MLC1: variants seen among roughly 807,000 people sequenced by gnomAD.
MLC1 encodes modulator of VRAC current 1, also known as membrane protein MLC1.
MLC1 carries 32 observed loss-of-function variants against 44.7 expected under a neutral mutation model. The observed-to-expected ratio is 0.72, with a 90% CI of 0.54 to 0.96. MLC1 has a LOEUF of 0.96. MLC1 is among the 40% of genes least tolerant of loss of function. MLC1 has a pLI of 0.00. For synonymous variants in MLC1, 190 were observed against 213.0 expected (o/e 0.89, Z 0.94); for missense variants, 459 against 492.2 (o/e 0.93, Z 0.64).
intron 3 of MLC1, among the ~76,000 whole-genome samples, chr22:50,082,487 G>A (rs914900896): frequency 6.6e-6 from 1 of 152,378 alleles, no homozygotes; most frequent in Non-Finnish European, 1.5e-5. Context: ...ACAGGTCCCA[G>A]TCCCCTGAGG....
At chr22:50,084,681 C>CA (rs1449906161) in intron 2 of MLC1, 45 bp downstream of exon 2, 2 of 1,603,842 alleles carry the variant, frequency 1.2e-6, no homozygotes, top group African/African-American at 2.7e-5. Flanking sequence ...ACCAGAGGGA[C>CA]CAGATGCTCG....
chr22:50,072,252 G>A (rs1414012861), intron 8 of MLC1, among the ~76,000 whole-genome samples: 1 of 152,218 alleles, frequency 6.6e-6, no homozygotes, highest in East Asian at 1.9e-4. Context: ...CAGCCATAGG[G>A]GCTGGGGCAG....
At chr22:50,065,892 T>A (rs752729833) in intron 10 of MLC1, among the ~76,000 whole-genome samples, 5 of 152,232 alleles carry the variant, frequency 3.3e-5, no homozygotes, top group Non-Finnish European at 7.3e-5. Context: ...GGAGGAGTTA[T>A]TTATAGTAGC....
At chr22:50,081,344 GAAAGAAAGAAAGAAAA>G (rs898850393) in intron 3 of MLC1, among the ~76,000 whole-genome samples, 10 of 151,778 alleles carry the variant, frequency 6.6e-5, no homozygotes, top group South Asian at 4.1e-4. Flanking sequence ...CTCCGTCAAA[GAAAGAAAGAAAGAAAA>G]AAAGAAAGAA....
At chr22:50,065,597 G>A (rs774068524) in intron 10 of MLC1, among the ~76,000 whole-genome samples, 6 of 152,172 alleles carry the variant, frequency 3.9e-5, no homozygotes, top group East Asian at 3.9e-4. Context: ...CAATGCAGAC[G>A]TCCTCATGCT....
At chr22:50,085,042 G>T in intron 1 of MLC1, 81 bp from the exon 2 acceptor site, 1 of 1,500,706 alleles carries the variant, frequency 6.7e-7, no homozygotes, top group South Asian at 1.2e-5. Flanking sequence ...TTTAACAAAA[G>T]AAATATTGTT....
rs1224832687 is a variant in MLC1 at position 50,059,785 on chromosome 22, CCT to C, written c.*1796_*1797del. ...CTGTGGCCAAAGTGTTTGCCCGGCC[CCT>C]GACTGTGTCCTTCCGGAGCTGCCGA... On this transcript the variant is annotated 3_prime_UTR_variant, in exon 12 of 12. Coordinates refer to ENST00000311597, the MANE Select transcript of MLC1 (RefSeq NM_015166.4). 1 of 152,372 alleles carries C rather than the reference CCT, an allele frequency of 6.6e-6. No homozygotes were observed. Among genetic ancestry groups the C allele is most frequent in the African/African-American group, 2.4e-5 (1 of 41,464 alleles). 9.4% of individuals were successfully genotyped at this position (152,372 alleles called of 1,614,324 possible).
chr22:50,085,012 G>C (rs755736657), intron 1 of MLC1, 51 bp from the exon 2 acceptor site: 2 of 1,529,012 alleles, frequency 1.3e-6, no homozygotes, highest in African/African-American at 2.7e-5. Context: ...ACTTCAATAA[G>C]TTGTTTCCAA....
intron 5 of MLC1, 152 bp downstream of exon 5, chr22:50,079,766 T>G (rs370352394): frequency 1.4e-6 from 1 of 724,284 alleles, no homozygotes; most frequent in Non-Finnish European, 2.5e-6. Context: ...AATTATTTTC[T>G]TTGGATGCAT....
intron 1 of MLC1, 23 bp from the exon 2 acceptor site, chr22:50,084,984 T>C: frequency 6.3e-7 from 1 of 1,577,302 alleles, no homozygotes. Flanking sequence ...TATCATCGGC[T>C]TTGGCCACTC....
intron 10 of MLC1, among the ~76,000 whole-genome samples, chr22:50,067,987 A>G (rs1042405320): frequency 6.6e-6 from 1 of 152,164 alleles, no homozygotes; most frequent in South Asian, 2.1e-4. Flanking sequence ...AACACTAGGT[A>G]TCTAAGAAAT....
At chr22:50,069,487 G>A (rs113397439) in intron 9 of MLC1, among the ~76,000 whole-genome samples, 18,517 of 150,530 alleles carry the variant, frequency 0.12, 1,267 homozygotes, top group South Asian at 0.24. Context: ...CTCTACTAAA[G>A]ATACAAAAAC....
In MLC1 at chr22:50,068,663, A is replaced by G. The variant is rs574556864; in HGVS notation, c.772-108T>C. On this transcript the variant is annotated intron_variant, in intron 9 of 11. Transcript: ENST00000311597. ...GGCATGGCCGGGCACTCATGGGCATAGTCCCAAGCTGGTTCCCTGCATGAC... is the reference window on the plus strand; with the variant it reads ...GGCATGGCCGGGCACTCATGGGCATGGTCCCAAGCTGGTTCCCTGCATGAC... 182 of 1,230,592 alleles carry G rather than the reference A, an allele frequency of 1.5e-4. No individual in the cohort carries two copies. The African/African-American group carries it at 2.4e-3, about 16-fold the overall frequency. The allele number at this position is 1,230,592 out of a possible 1,614,324, so 76.2% of individuals were successfully genotyped here. A position where few individuals can be genotyped will look rare whatever the true frequency, so the allele number is the denominator to read the frequency against.
At chr22:50,062,791 C>T (rs76081731) in intron 11 of MLC1, among the ~76,000 whole-genome samples, 1,707 of 152,366 alleles carry the variant, frequency 0.011, 25 homozygotes, top group African/African-American at 0.039. Flanking sequence ...TCCTAGTGGT[C>T]ACTGCACCTG....
At chr22:50,085,057 C>G in intron 1 of MLC1, 96 bp from the exon 2 acceptor site, 1 of 1,459,202 alleles carries the variant, frequency 6.9e-7, no homozygotes, top group Non-Finnish European at 9.1e-7. Context: ...ATTGTTCATA[C>G]TGAAGTGCTC....
At chr22:50,080,419 A>G (rs775635265) in intron 3 of MLC1, 22 bp from the exon 4 acceptor site, 8 of 1,593,540 alleles carry the variant, frequency 5.0e-6, no homozygotes, top group Non-Finnish European at 5.1e-6. Flanking sequence ...CCGGAATCCC[A>G]TGAGCCTGCC....
chr22:50,074,575 C>T (rs891443215), intron 7 of MLC1: 1 of 526,188 alleles, frequency 1.9e-6, no homozygotes, highest in East Asian at 3.4e-5. Flanking sequence ...TCCCCCACTG[C>T]TGCTTTTGTC....
At chr22:50,063,981 C>T (rs1478388324) in intron 11 of MLC1, 53 bp downstream of exon 11, 1 of 1,523,534 alleles carries the variant, frequency 6.6e-7, no homozygotes, top group Non-Finnish European at 8.8e-7. Context: ...TGGCTGGGCA[C>T]CCCCGTGGGC....
rs968708883 is a variant in MLC1, at chr22:50,060,014, C to T, written c.*1569G>A. On this transcript the variant is annotated 3_prime_UTR_variant, in exon 12 of 12. Transcript: ENST00000311597. Reference sequence around the variant, plus strand: ...CCCCTGGCAGGGTCTGCAGGCCGCCCCATCCAGCTGCATCTCCCAGGCCTC... The same window carrying T: ...CCCCTGGCAGGGTCTGCAGGCCGCCTCATCCAGCTGCATCTCCCAGGCCTC... The T allele has an allele frequency of 2.0e-5, 3 of 152,394 alleles. No individual in the cohort carries two copies. Among genetic ancestry groups the T allele is most frequent in the African/African-American group, 7.2e-5 (3 of 41,462 alleles). 9.4% of individuals were successfully genotyped at this position (152,394 alleles called of 1,614,324 possible). A position where few individuals can be genotyped will look rare whatever the true frequency, so the allele number is the denominator to read the frequency against.
Sources: allele counts gnomAD v4.1 joint callset (sites outside exome capture counted in the v4.1 genomes callset), GRCh38; gene constraint gnomAD v4.1.1; transcripts MANE v1.5; gene names NCBI Gene and HGNC (gene_info 2026-07-23, HGNC 2026-07-21).